PIBF1: variants seen among roughly 807,000 people sequenced by gnomAD.
PIBF1 encodes the protein progesterone-induced-blocking factor 1.
Under a neutral mutation model 112.5 loss-of-function variants are expected in PIBF1, and 90 were observed. That is an observed-to-expected ratio of 0.80 (90% CI 0.67 to 0.95). The LOEUF is 0.95. PIBF1 is among the 40% of genes least tolerant of loss of function. The pLI, the probability that PIBF1 is intolerant of heterozygous loss-of-function variation, is 0.00. For missense variants in PIBF1, 915 were observed against 852.3 expected (o/e 1.07, Z -0.92); for synonymous variants, 301 against 288.6 (o/e 1.04, Z -0.44).
At chr13:72,983,628 G>C (rs2043206035) in intron 16 of PIBF1, among the ~76,000 whole-genome samples, 1 of 152,166 alleles carries the variant, frequency 6.6e-6, no homozygotes, top group Non-Finnish European at 1.5e-5. Context: ...TGTGTTCCCA[G>C]ATTCTAACTC....
chr13:72,993,504 C>G (rs940811380), intron 16 of PIBF1, among the ~76,000 whole-genome samples: 1 of 151,894 alleles, frequency 6.6e-6, no homozygotes, highest in Non-Finnish European at 1.5e-5. Context: ...AGAAGATTCT[C>G]GCAAGAAAGA....
rs137971828 is a variant in PIBF1 at position 72,942,733 on chromosome 13, G to A, written c.1833+11466G>A. Among the ~76,000 whole-genome samples the A allele has an allele frequency of 6.5e-3, 991 of 152,192 alleles. 11 individuals are homozygous for A. Among genetic ancestry groups the A allele is most frequent in the African/African-American group, 0.023 (947 of 41,510 alleles). ...ATCCTTTAGTAGGCTGGGCACAGTG[G>A]GTCACACCTGTAATCCCAGCACTTT... is the stretch of plus-strand genomic sequence containing the variant. On this transcript the variant is annotated intron_variant, in intron 14 of 17. Coordinates refer to ENST00000326291, the MANE Select transcript of PIBF1 (RefSeq NM_006346.4).
chr13:72,806,732 A>G (rs1279032521), intron 5 of PIBF1, among the ~76,000 whole-genome samples: 1 of 152,150 alleles, frequency 6.6e-6, no homozygotes, highest in East Asian at 1.9e-4. Flanking sequence ...ATAGTATTCC[A>G]TGGTGTATAT....
At chr13:72,874,971 G>A (rs2039333074) in intron 10 of PIBF1, among the ~76,000 whole-genome samples, 1 of 151,984 alleles carries the variant, frequency 6.6e-6, no homozygotes, top group Non-Finnish European at 1.5e-5. Flanking sequence ...TTCACTCTTG[G>A]TCCGGCTACT....
At chr13:72,936,102 A>G (rs1469983318) in intron 14 of PIBF1, among the ~76,000 whole-genome samples, 1 of 152,012 alleles carries the variant, frequency 6.6e-6, no homozygotes, top group African/African-American at 2.4e-5. Context: ...ATCATAGCTC[A>G]TTGCAGCCTC....
rs577950421 is a variant in PIBF1 at position 73,015,069 on chromosome 13, G to A, written c.2224-800G>A. 1.1e-3 allele frequency among the ~76,000 whole-genome samples: 169 copies of A among 151,806 alleles called. 1 individual carries two copies. The highest frequency in any genetic ancestry group is 1.8e-3 in the Non-Finnish European group (122 of 67,880). Reference sequence around the variant, plus strand: ...CCAAAGTACTGGTATTACAGGCATGGGCCACCGCGCCCATCGTCAAGTGAT... The same window carrying A: ...CCAAAGTACTGGTATTACAGGCATGAGCCACCGCGCCCATCGTCAAGTGAT... On this transcript the variant is annotated intron_variant, in intron 17 of 17. Transcript: ENST00000326291.
intron 16 of PIBF1, among the ~76,000 whole-genome samples, chr13:72,998,094 A>G (rs1220767369): frequency 6.6e-6 from 1 of 152,244 alleles, no homozygotes; most frequent in African/African-American, 2.4e-5. Flanking sequence ...CTTACTGTTT[A>G]ACTGCTGACT....
intron 2 of PIBF1, among the ~76,000 whole-genome samples, chr13:72,784,967 G>A (rs2034519732): frequency 6.6e-6 from 1 of 151,884 alleles, no homozygotes; most frequent in Non-Finnish European, 1.5e-5. Flanking sequence ...CCACCTCTTG[G>A]GTTCAAGCAA....
intron 14 of PIBF1, 95 bp from the exon 15 acceptor site, chr13:72,965,179 A>T: frequency 9.0e-7 from 1 of 1,107,598 alleles, no homozygotes; most frequent in Non-Finnish European, 1.3e-6. Flanking sequence ...TTCATGTCAA[A>T]GGAATTTCTG....
intron 10 of PIBF1, among the ~76,000 whole-genome samples, chr13:72,892,903 C>G (rs977962171): frequency 1.4e-4 from 21 of 152,050 alleles, no homozygotes; most frequent in Admixed American, 6.6e-5. Flanking sequence ...GAAGCACTTA[C>G]CATTGAATTT....
chr13:73,006,936 G>A (rs979103059), intron 17 of PIBF1, among the ~76,000 whole-genome samples: 1 of 151,664 alleles, frequency 6.6e-6, no homozygotes, highest in African/African-American at 2.4e-5. Flanking sequence ...CCTAAATCTG[G>A]AATATAGTAT....
Position 72,987,858 on chromosome 13 carries a change from A to ATTTTTTTTTTTTTT in PIBF1, c.2050-10954_2050-10941dup, listed in dbSNP as rs55999445. 1.4e-4 allele frequency among the ~76,000 whole-genome samples: 8 copies of ATTTTTTTTTTTTTT among 58,134 alleles called. 1 individual carries two copies. The highest frequency in any genetic ancestry group is 8.1e-4 in the East Asian group (1 of 1,230). The allele number at this position is 58,134 out of a possible 152,430, so 38.1% of individuals were successfully genotyped here. A position where few individuals can be genotyped will look rare whatever the true frequency, so the allele number is the denominator to read the frequency against. On this transcript the variant is annotated intron_variant, in intron 16 of 17. Transcript: ENST00000326291. Reference sequence around the variant, plus strand: ...TTGTAATTTATTTATTTATTTATTTATTTTTTTTTTTTTTTTTTTTTTTGA... The same window carrying ATTTTTTTTTTTTTT: ...TTGTAATTTATTTATTTATTTATTTATTTTTTTTTTTTTTTTTTTTTTTTTTTTTTTTTTTTTGA...
At position 72,782,365 on chromosome 13, in the gene PIBF1, C is replaced by T. The variant is rs1285032802; in HGVS notation, c.-48+16C>T. On this transcript the variant is annotated intron_variant, in intron 1 of 17. Transcript: ENST00000326291. ...CACTTTCGAGGTAACTTGCGACTATCATCGCTTTCTTTCCCGCGTGGGGCA... is the reference window on the plus strand; with the variant it reads ...CACTTTCGAGGTAACTTGCGACTATTATCGCTTTCTTTCCCGCGTGGGGCA... 1 of 152,650 alleles carries T rather than the reference C, an allele frequency of 6.6e-6. No individual in the cohort carries two copies. The highest frequency in any genetic ancestry group is 1.5e-5 in the Non-Finnish European group (1 of 68,302). The allele number at this position is 152,650 out of a possible 1,614,324, so 9.5% of individuals were successfully genotyped here. A position where few individuals can be genotyped will look rare whatever the true frequency, so the allele number is the denominator to read the frequency against.
chr13:72,962,965 GC>G lies in PIBF1; in HGVS notation c.1834-2306del, dbSNP rs1283998167. ...ACCCACGGAATATTAATAGAATAGA[GC>G]CCAGAAGTAAACACTTGCCTATATG... On this transcript the variant is annotated intron_variant, in intron 14 of 17. Coordinates refer to ENST00000326291, the MANE Select transcript of PIBF1 (RefSeq NM_006346.4). Among the ~76,000 whole-genome samples the G allele has an allele frequency of 3.9e-5, 6 of 152,258 alleles. No individual in the cohort carries two copies. The East Asian group carries it at 1.2e-3, about 29-fold the overall frequency.
chr13:72,928,044 T>TACATATATATATATATAC (rs1566458868), intron 13 of PIBF1, among the ~76,000 whole-genome samples: 185 of 130,058 alleles, frequency 1.4e-3, no homozygotes, highest in African/African-American at 4.6e-3. Flanking sequence ...TATATATATA[T>TACATATATATATATATAC]ACATATATAT....
intron 16 of PIBF1, among the ~76,000 whole-genome samples, chr13:72,992,697 G>T (rs1251380161): frequency 6.6e-6 from 1 of 152,168 alleles, no homozygotes; most frequent in Non-Finnish European, 1.5e-5. Context: ...TGGAGTTCCA[G>T]CTGCCAAGGA....
At chr13:72,959,721 C>A (rs2042553798) in intron 14 of PIBF1, among the ~76,000 whole-genome samples, 1 of 152,080 alleles carries the variant, frequency 6.6e-6, no homozygotes, top group Non-Finnish European at 1.5e-5. Flanking sequence ...GTACTTGAAT[C>A]AAAAGATATA....
intron 5 of PIBF1, among the ~76,000 whole-genome samples, chr13:72,804,338 T>C (rs2035621371): frequency 6.6e-6 from 1 of 152,184 alleles, no homozygotes; most frequent in Non-Finnish European, 1.5e-5. Flanking sequence ...TTATGTGACA[T>C]GGGAACCTTC....
chr13:72,854,317 A>G (rs7993020), intron 10 of PIBF1, among the ~76,000 whole-genome samples, 162 bp downstream of exon 10: 15,894 of 151,798 alleles, frequency 0.1, 2,364 homozygotes, highest in African/African-American at 0.33. Flanking sequence ...TTTCATTTCA[A>G]TTTCATTTCA....
Sources: gnomAD v4.1 joint callset for allele counts (sites outside exome capture counted in the v4.1 genomes callset) on GRCh38, gnomAD v4.1.1 for gene constraint, MANE v1.5 for transcripts, NCBI Gene and HGNC (gene_info 2026-07-23, HGNC 2026-07-21) for gene names.